Variants in COG2 observed in about 807,000 individuals in gnomAD.
COG2 encodes conserved oligomeric Golgi complex subunit 2.
Under a neutral mutation model 90.6 loss-of-function variants are expected in COG2, and 52 were observed. That is an observed-to-expected ratio of 0.57 (90% confidence interval 0.46 to 0.72). The LOEUF (loss-of-function observed/expected upper bound fraction) is 0.72. Among genes scored for constraint, COG2 ranks in the 30% least tolerant of loss-of-function variants. The pLI is 0.00. For missense variants in COG2, 829 were observed against 891.2 expected (o/e 0.93, Z 0.89); for synonymous variants, 337 against 320.4 (o/e 1.05, Z -0.55).
rs756606190 is a variant in COG2 at position 230,669,445 on chromosome 1, G to C, written c.684G>C (p.Arg228=). ...GLQTSDVDII[R]HCLRTYATID... ...AGACGTCTGACGTCGATATAATACG[G>C]CACTGCTTGCGGACTTACGCCACGA... Residue 228 remains arginine, a synonymous_variant, in exon 7 of 18, where the codon CGG becomes CGC. Transcript: ENST00000366669. The C allele has an allele frequency of 1.2e-6, 2 of 1,613,942 alleles. No individual in the cohort carries two copies. Among genetic ancestry groups the C allele is most frequent in the East Asian group, 4.5e-5 (2 of 44,878 alleles).
chr1:230,677,066 A>G (rs1039652025), intron 9 of COG2, among the ~76,000 whole-genome samples: 3 of 152,092 alleles, frequency 2.0e-5, no homozygotes, highest in East Asian at 1.9e-4. Context: ...ACATTTTTAT[A>G]TATTATTTCT....
chr1:230,676,434 C>T (rs1045678038), intron 9 of COG2, among the ~76,000 whole-genome samples: 1 of 152,150 alleles, frequency 6.6e-6, no homozygotes, highest in Non-Finnish European at 1.5e-5. Flanking sequence ...GATTTATGTT[C>T]TCGAGCCTTC....
chr1:230,678,029 A>G (rs555050707), intron 9 of COG2: 3 of 985,296 alleles, frequency 3.0e-6, no homozygotes, highest in Non-Finnish European at 2.4e-6. Context: ...AGTTTTTACT[A>G]CTGTAAGATC....
At chr1:230,680,056 G>T (rs1002456798) in intron 10 of COG2, 1 of 152,124 alleles carries the variant, frequency 6.6e-6, no homozygotes, top group Non-Finnish European at 1.5e-5. Flanking sequence ...TTCCAAGGTT[G>T]CATCATCATG....
chr1:230,691,551 A>T lies in COG2; in HGVS notation c.2102A>T (p.Tyr701Phe), dbSNP rs747165540. The change falls in exon 17 of 18, where the codon TAC becomes TTC. Residue 701 changes from tyrosine (Y) to phenylalanine (F), a missense_variant. Tyr to Phe is a conservative substitution (Grantham distance 22). Coordinates refer to ENST00000366669, the MANE Select transcript of COG2 (RefSeq NM_007357.3). The stretch of plus-strand genomic sequence containing the variant: ...CTGCAGTTGGCCCTAGATGTTGAGT[A>T]CTTGGGAGAGCAGGTAACCCATCAG... ...IRLQLALDVE[Y>F]LGEQIQKLGL... 6.2e-7 allele frequency: 1 copy of T among 1,612,664 alleles called. No homozygotes were observed. The highest frequency in any genetic ancestry group is 1.1e-5 in the South Asian group (1 of 90,790).
chr1:230,666,378 T>C (rs931151826), intron 5 of COG2, among the ~76,000 whole-genome samples: 9 of 152,172 alleles, frequency 5.9e-5, no homozygotes, highest in African/African-American at 1.9e-4. Context: ...TCTCTGAGAT[T>C]GAGAGATGTC....
At chr1:230,672,302 C>T (rs1662466626) in intron 8 of COG2, among the ~76,000 whole-genome samples, 2 of 152,188 alleles carry the variant, frequency 1.3e-5, no homozygotes, top group East Asian at 1.9e-4. Context: ...CCAGGCTTCT[C>T]GAAGCAGGGC....
At chr1:230,664,370 A>G (rs980678592) in intron 4 of COG2, 114 bp from the exon 5 acceptor site, 2 of 434,874 alleles carry the variant, frequency 4.6e-6, no homozygotes, top group African/African-American at 4.1e-5. Flanking sequence ...ATAGAATGCT[A>G]TAGGTAATTT....
At chr1:230,675,496 CAG>C (rs545457026) in intron 9 of COG2, among the ~76,000 whole-genome samples, 29 of 152,180 alleles carry the variant, frequency 1.9e-4, no homozygotes, top group African/African-American at 6.7e-4. Flanking sequence ...TGAATGAAAA[CAG>C]AAAGTATTCA....
At chr1:230,661,680 G>A (rs1662182628) in intron 3 of COG2, 1 of 151,608 alleles carries the variant, frequency 6.6e-6, no homozygotes, top group Non-Finnish European at 1.5e-5. Context: ...CATGTGTAGT[G>A]CTGAAAAAAA....
chr1:230,679,019 A>G lies in COG2; in HGVS notation c.1133A>G (p.Lys378Arg), dbSNP rs773980476. ...RAHPAYHSFN[K>R]KWNLPVYFQI... ...CATCCTGCCTATCACAGCTTCAATA[A>G]GAAGTGGAACTTGCCTGTTTATTTT... Residue 378 changes from lysine (K) to arginine (R), a missense_variant, in exon 10 of 18, where the codon AAG becomes AGG. By Grantham distance (26) the Lys-to-Arg change is conservative (BLOSUM62 2). Transcript: ENST00000366669. The G allele has an allele frequency of 6.2e-7, 1 of 1,613,536 alleles. No individual in the cohort carries two copies. The highest frequency in any genetic ancestry group is 8.5e-7 in the Non-Finnish European group (1 of 1,179,502).
rs139505361 is a variant in COG2 at position 230,669,527 on chromosome 1, A to G, written c.766A>G (p.Ile256Val). The change falls in exon 7 of 18, where the codon ATA becomes GTA. Residue 256 changes from isoleucine to valine, a missense_variant. Coordinates refer to ENST00000366669, the MANE Select transcript of COG2 (RefSeq NM_007357.3). ...LVGQVLVKPY[I>V]DEVIIEQFVE... Reference sequence around the variant, plus strand: ...TGGCCAAGTACTAGTGAAACCATACATAGACGAGGTCTGTGTACCTCCTTC... The same window carrying G: ...TGGCCAAGTACTAGTGAAACCATACGTAGACGAGGTCTGTGTACCTCCTTC... The G allele has an allele frequency of 1.2e-6, 2 of 1,613,588 alleles. No homozygotes were observed. Among genetic ancestry groups the G allele is most frequent in the Admixed American group, 1.7e-5 (1 of 59,970 alleles).
In COG2 at chr1:230,693,640, A is replaced by G. The variant is rs1211891372; in HGVS notation, c.*247A>G. 5.9e-6 allele frequency: 2 copies of G among 337,982 alleles called. No homozygotes were observed. Among genetic ancestry groups the G allele is most frequent in the South Asian group, 1.0e-4 (1 of 10,002 alleles). 20.9% of individuals were successfully genotyped at this position (337,982 alleles called of 1,614,324 possible). ...TTTAAGACATTTGAAACTTTCTACT[A>G]TAGTTTACAGAACAAATTATTTTAT... On this transcript the variant is annotated 3_prime_UTR_variant, in exon 18 of 18. Coordinates refer to ENST00000366669, the MANE Select transcript of COG2 (RefSeq NM_007357.3).
At position 230,669,324 on chromosome 1, in the gene COG2, C is replaced by G. The variant is rs1354379702; in HGVS notation, c.595-32C>G. The G allele has an allele frequency of 1.3e-5, 21 of 1,563,218 alleles. No homozygotes were observed. In the South Asian group the frequency reaches 2.3e-4, roughly 17 times the overall value. On this transcript the variant is annotated intron_variant, in intron 6 of 17. Transcript: ENST00000366669. ...GTTTCAGAAACTGTTACAACTAGAG[C>G]TTTTTTTTTATTTACCCACCTTTTC...
chr1:230,645,307 G>A (rs946335086), intron 1 of COG2, among the ~76,000 whole-genome samples: 4 of 151,814 alleles, frequency 2.6e-5, no homozygotes, highest in African/African-American at 9.7e-5. Context: ...AGATGAATTA[G>A]GATGTAAGAT....
intron 11 of COG2, among the ~76,000 whole-genome samples, chr1:230,683,925 G>A (rs539200923): frequency 2.4e-4 from 36 of 152,102 alleles, no homozygotes; most frequent in African/African-American, 7.5e-4. Context: ...GAAAGTAGCT[G>A]GGATTACAGG....
At chr1:230,658,600 C>G (rs1266230170) in intron 1 of COG2, among the ~76,000 whole-genome samples, 2 of 152,182 alleles carry the variant, frequency 1.3e-5, no homozygotes, top group African/African-American at 4.8e-5. Context: ...GTCCGCTGCT[C>G]TCTCTAGAGC....
intron 10 of COG2, 73 bp downstream of exon 10, chr1:230,679,125 C>T: frequency 1.1e-5 from 16 of 1,425,046 alleles, no homozygotes; most frequent in Non-Finnish European, 1.5e-5. Context: ...AAGGATGTTG[C>T]CTCAGTTAGC....
chr1:230,691,642 G>T, intron 17 of COG2, 78 bp downstream of exon 17: 1 of 1,343,294 alleles, frequency 7.4e-7, no homozygotes, highest in South Asian at 1.3e-5. Flanking sequence ...GGTGGCTCGC[G>T]TGATCCCAGA....
Sources: gnomAD v4.1 joint callset for allele counts (sites outside exome capture counted in the v4.1 genomes callset) on GRCh38, gnomAD v4.1.1 for gene constraint, MANE v1.5 for transcripts, NCBI Gene and HGNC (gene_info 2026-07-23, HGNC 2026-07-21) for gene names.